Variants in TECRL observed in about 807,000 individuals in gnomAD.
TECRL encodes trans-2,3-enoyl-CoA reductase-like.
A neutral mutation model predicts 52.8 loss-of-function variants in TECRL; 63 were observed. The observed-to-expected ratio is 1.19, with a 90% CI of 0.97 to 1.47. The LOEUF is 1.47. Among genes scored for constraint, TECRL ranks in the 40% most tolerant of loss-of-function variants. The probability of loss-of-function intolerance (pLI) is 0.00; values close to 1 mark genes in which losing one functional copy is unlikely to be tolerated. For missense variants in TECRL, 482 were observed against 429.6 expected (o/e 1.12, Z -1.08); for synonymous variants, 164 against 141.9 (o/e 1.16, Z -1.10).
chr4:64,298,127 ATATT>A (rs920698359), intron 8 of TECRL, among the ~76,000 whole-genome samples: 1 of 151,212 alleles, frequency 6.6e-6, no homozygotes, highest in African/African-American at 2.4e-5. Flanking sequence ...TATTTAAAAA[ATATT>A]TAAATCTAAA....
At chr4:64,320,299 CTATTA>C (rs752314620) in intron 4 of TECRL, among the ~76,000 whole-genome samples, 18 of 151,720 alleles carry the variant, frequency 1.2e-4, no homozygotes, top group South Asian at 1.0e-3. Context: ...GATTATTTCC[CTATTA>C]TATTATTTAT....
At chr4:64,365,224 A>G in intron 2 of TECRL, among the ~76,000 whole-genome samples, 1 of 127,756 alleles carries the variant, frequency 7.8e-6, no homozygotes, top group East Asian at 2.4e-4. Flanking sequence ...AAAAAAAGCT[A>G]TACATAAAAG....
chr4:64,311,047 GAGCATAAAAATC>G (rs1456820623), intron 5 of TECRL, among the ~76,000 whole-genome samples: 1 of 152,126 alleles, frequency 6.6e-6, no homozygotes, highest in Non-Finnish European at 1.5e-5. Flanking sequence ...AGTAAAGGTT[GAGCATAAAAATC>G]AGCATATCAT....
At chr4:64,370,520 CCA>C (rs1251100927) in intron 2 of TECRL, among the ~76,000 whole-genome samples, 2 of 27,676 alleles carry the variant, frequency 7.2e-5, no homozygotes, top group Admixed American at 9.9e-4. Context: ...ATTATTATCT[CCA>C]GTTATTATCT....
At chr4:64,281,346 A>G (rs1190621532) in intron 10 of TECRL, 128 bp downstream of exon 10, 2 of 639,472 alleles carry the variant, frequency 3.1e-6, no homozygotes, top group Non-Finnish European at 5.4e-6. Flanking sequence ...TTGTTATACC[A>G]TGATCTGTGG....
At position 64,371,066 on chromosome 4, in the gene TECRL, T is replaced by C. The variant is rs370086151; in HGVS notation, c.286+4106A>G. Among the ~76,000 whole-genome samples the C allele has an allele frequency of 9.2e-5, 14 of 151,818 alleles. No individual in the cohort carries two copies. In the East Asian group the frequency reaches 2.7e-3, roughly 29 times the overall value. On this transcript the variant is annotated intron_variant, in intron 2 of 11. Coordinates refer to ENST00000381210, the MANE Select transcript of TECRL (RefSeq NM_001010874.5). ...ATTGTAATTGTGGTGTTTACCCACA[T>C]TGAATAATCACAGAAGTGGTCATCC...
At chr4:64,399,579 G>T (rs1401907707) in intron 1 of TECRL, among the ~76,000 whole-genome samples, 1 of 152,108 alleles carries the variant, frequency 6.6e-6, no homozygotes, top group Non-Finnish European at 1.5e-5. Flanking sequence ...GAACAGAATG[G>T]TTTCCTGGGC....
rs2109916898 is a variant in TECRL at position 64,278,747 on chromosome 4, T to G, written c.*1325A>C. On this transcript the variant is annotated 3_prime_UTR_variant, in exon 12 of 12. Coordinates refer to ENST00000381210, the MANE Select transcript of TECRL (RefSeq NM_001010874.5). ...GTAACTTTGTATCCTTTAACAAATC[T>G]CTCTCTAGTCTCCCTTTGCTGCAGC... 6.6e-6 allele frequency: 1 copy of G among 152,306 alleles called. No homozygotes were observed. Among genetic ancestry groups the G allele is most frequent in the African/African-American group, 2.4e-5 (1 of 41,570 alleles). The allele number at this position is 152,306 out of a possible 1,614,324, so 9.4% of individuals were successfully genotyped here.
At chr4:64,382,174 G>A (rs1020431435) in intron 1 of TECRL, among the ~76,000 whole-genome samples, 21 of 139,264 alleles carry the variant, frequency 1.5e-4, no homozygotes, top group African/African-American at 4.7e-4. Context: ...GGTTGTGTAC[G>A]TCCAGAGGAA....
chr4:64,356,664 C>T (rs1311000443), intron 2 of TECRL, among the ~76,000 whole-genome samples: 1 of 152,138 alleles, frequency 6.6e-6, no homozygotes, highest in Admixed American at 6.6e-5. Context: ...TACCGCATTC[C>T]TCTTGCTGAG....
intron 1 of TECRL, among the ~76,000 whole-genome samples, chr4:64,390,213 T>C (rs996584401): frequency 1.3e-5 from 2 of 151,908 alleles, no homozygotes; most frequent in African/African-American, 4.8e-5. Context: ...TTAAAGTGAA[T>C]GAACTTTAGC....
chr4:64,300,340 C>T (rs938816940), intron 7 of TECRL, among the ~76,000 whole-genome samples: 2 of 150,356 alleles, frequency 1.3e-5, no homozygotes, highest in Non-Finnish European at 3.0e-5. Context: ...TATAATGGCA[C>T]CACAAAATAA....
intron 8 of TECRL, among the ~76,000 whole-genome samples, 198 bp from the exon 9 acceptor site, chr4:64,289,965 A>G (rs1284312222): frequency 6.6e-6 from 1 of 152,210 alleles, no homozygotes; most frequent in Non-Finnish European, 1.5e-5. Context: ...TATTGAATAA[A>G]AAGTCACAAC....
chr4:64,334,126 C>G (rs1718875082), intron 2 of TECRL, among the ~76,000 whole-genome samples: 1 of 150,722 alleles, frequency 6.6e-6, no homozygotes, highest in Non-Finnish European at 1.5e-5. Flanking sequence ...TATACTCCTT[C>G]TAAACAGTGG....
At chr4:64,287,913 G>A (rs978628861) in intron 9 of TECRL, among the ~76,000 whole-genome samples, 8 of 152,060 alleles carry the variant, frequency 5.3e-5, no homozygotes, top group South Asian at 2.1e-4. Flanking sequence ...TTGGGAGGCC[G>A]AGGCAGGCAG....
chr4:64,340,450 A>G (rs907140023), intron 2 of TECRL, among the ~76,000 whole-genome samples: 5 of 152,126 alleles, frequency 3.3e-5, no homozygotes, highest in African/African-American at 1.2e-4. Context: ...GCCCACTCCA[A>G]TTTCAGAGCA....
At chr4:64,311,784 G>A (rs1474779596) in intron 5 of TECRL, among the ~76,000 whole-genome samples, 1 of 152,010 alleles carries the variant, frequency 6.6e-6, no homozygotes, top group African/African-American at 2.4e-5. Context: ...AGTTTTTGTG[G>A]ATTGCTAAAT....
At chr4:64,392,653 A>G (rs948327259) in intron 1 of TECRL, among the ~76,000 whole-genome samples, 8 of 151,996 alleles carry the variant, frequency 5.3e-5, no homozygotes, top group East Asian at 1.9e-4. Flanking sequence ...CTGCTTTTAT[A>G]TTTATTGTCT....
At chr4:64,345,924 A>AAAAAAAAAAAAAAAAAC (rs1560516723) in intron 2 of TECRL, among the ~76,000 whole-genome samples, 2 of 146,058 alleles carry the variant, frequency 1.4e-5, no homozygotes, top group Non-Finnish European at 3.0e-5. Context: ...AAAAAAAAAA[A>AAAAAAAAAAAAAAAAAC]AAAAAAACAT....
Sources: gnomAD v4.1 joint callset for allele counts (sites outside exome capture counted in the v4.1 genomes callset) on GRCh38, gnomAD v4.1.1 for gene constraint, MANE v1.5 for transcripts, NCBI Gene and HGNC (gene_info 2026-07-23, HGNC 2026-07-21) for gene names.